The following SAMD4A variants were observed in gnomAD, a reference collection of about 807,000 sequenced individuals.
The protein encoded by SAMD4A is protein Smaug homolog 1.
In SAMD4A, 33 loss-of-function variants were observed where a neutral mutation model predicts 81.3. The observed-to-expected ratio is 0.41, with a 90% CI of 0.31 to 0.54. The LOEUF is 0.54. Among genes scored for constraint, SAMD4A ranks in the 20% least tolerant of loss-of-function variants. The pLI is 0.37. For synonymous variants in SAMD4A, 389 were observed against 382.1 expected, an observed-to-expected ratio of 1.02 and a Z score of -0.21; for missense variants, 854 against 951.1, an observed-to-expected ratio of 0.90 and a Z score of 1.34.
intron 2 of SAMD4A, among the ~76,000 whole-genome samples, chr14:54,649,671 T>C (rs557492606): frequency 6.6e-6 from 1 of 152,316 alleles, no homozygotes; most frequent in Non-Finnish European, 1.5e-5. Context: ...ATTGCATGCC[T>C]TGGGGTTGAA....
chr14:54,607,870 GC>G (rs1394297939), intron 2 of SAMD4A, among the ~76,000 whole-genome samples: 1 of 151,948 alleles, frequency 6.6e-6, no homozygotes. Flanking sequence ...AGAAAAATTA[GC>G]CAGGCATGGT....
intron 2 of SAMD4A, among the ~76,000 whole-genome samples, chr14:54,621,884 G>T (rs147329654): frequency 2.6e-5 from 4 of 152,278 alleles, no homozygotes; most frequent in Non-Finnish European, 5.9e-5. Context: ...AAAGCAGGAG[G>T]GGGGAGTGTT....
chr14:54,745,506 G>A (rs568807442), intron 4 of SAMD4A, among the ~76,000 whole-genome samples: 6 of 152,244 alleles, frequency 3.9e-5, no homozygotes, highest in African/African-American at 1.2e-4. Flanking sequence ...TGCTCCCCTA[G>A]AACCCTATGT....
intron 11 of SAMD4A, among the ~76,000 whole-genome samples, chr14:54,783,371 A>G (rs1446785535): frequency 1.3e-5 from 2 of 152,148 alleles, no homozygotes; most frequent in African/African-American, 2.4e-5. Flanking sequence ...TCGCCACTGG[A>G]TGAGGCCTGC....
At chr14:54,760,124 T>C (rs1489968082) in intron 6 of SAMD4A, 37 bp from the exon 7 acceptor site, 1 of 1,595,306 alleles carries the variant, frequency 6.3e-7, no homozygotes, top group Admixed American at 1.7e-5. Context: ...CCCTTATTCC[T>C]GAGCCTAACA....
Position 54,603,486 on chromosome 14 carries a change from G to C in SAMD4A, c.196+35374G>C, listed in dbSNP as rs187063855. Among the ~76,000 whole-genome samples, 7 of 152,324 alleles carry C rather than the reference G, an allele frequency of 4.6e-5. No individual in the cohort carries two copies. In the East Asian group the frequency reaches 1.4e-3, roughly 29 times the overall value. ...TAGGAACTGATCAGCTTATAAAGCT[G>C]ATGCTGCCCAGTTCTGTTCTGAGTC... On this transcript the variant is annotated intron_variant, in intron 2 of 12. Transcript: ENST00000554335.
At chr14:54,700,992 AATTTTTT>A (rs1016245062) in intron 2 of SAMD4A, 7 of 121,654 alleles carry the variant, frequency 5.8e-5, no homozygotes, top group African/African-American at 1.2e-4. Flanking sequence ...TGAAACGGTG[AATTTTTT>A]TTTTTTTTTT....
At chr14:54,580,113 T>G (rs1324245341) in intron 2 of SAMD4A, among the ~76,000 whole-genome samples, 1 of 152,150 alleles carries the variant, frequency 6.6e-6, no homozygotes, top group African/African-American at 2.4e-5. Context: ...AAGACTGAGG[T>G]GTACTGGGGT....
intron 3 of SAMD4A, among the ~76,000 whole-genome samples, chr14:54,723,999 T>TGGAAGGAA (rs1352946376): frequency 0.076 from 3,992 of 52,202 alleles, 84 homozygotes; most frequent in Non-Finnish European, 0.11. Flanking sequence ...ATTGGATGGA[T>TGGAAGGAA]GGATGGATGG....
intron 2 of SAMD4A, among the ~76,000 whole-genome samples, chr14:54,594,387 C>T (rs1334219332): frequency 6.6e-6 from 1 of 151,544 alleles, no homozygotes; most frequent in Admixed American, 6.6e-5. Flanking sequence ...CATGCCACTA[C>T]ACTCCAGTCT....
intron 2 of SAMD4A, among the ~76,000 whole-genome samples, chr14:54,586,941 A>T (rs980737242): frequency 2.0e-5 from 3 of 151,150 alleles, no homozygotes; most frequent in Non-Finnish European, 4.4e-5. Context: ...GAATTTTTGG[A>T]TTTTTTTTCT....
chr14:54,788,943 A>G lies in SAMD4A; in HGVS notation c.2156A>G (p.Ter719TrpextTer48). 6.2e-7 allele frequency: 1 copy of G among 1,614,136 alleles called. No homozygotes were observed. The highest frequency in any genetic ancestry group is 8.5e-7 in the Non-Finnish European group (1 of 1,179,996). ...GGGGTTGACCGGACCTCCACCATCT[A>G]GAAGCTGAAGACGAGAGTGACCGCG... ...GDGVDRTSTI[*>W] Residue 719 changes from the stop codon to tryptophan, a stop_lost, in exon 13 of 13, where the codon TAG becomes TGG. Coordinates refer to ENST00000554335, the MANE Select transcript of SAMD4A (RefSeq NM_015589.6).
At chr14:54,629,297 A>G (rs2034839223) in intron 2 of SAMD4A, among the ~76,000 whole-genome samples, 6 of 152,220 alleles carry the variant, frequency 3.9e-5, no homozygotes, top group Admixed American at 3.9e-4. Context: ...CCCTGCTGAC[A>G]CATCTTGATT....
intron 3 of SAMD4A, among the ~76,000 whole-genome samples, chr14:54,705,781 T>C (rs1197477009): frequency 6.6e-6 from 1 of 152,230 alleles, no homozygotes; most frequent in African/African-American, 2.4e-5. Flanking sequence ...ACCAGGAAGC[T>C]GAAGACCCTG....
chr14:54,783,908 C>G (rs181602397), intron 11 of SAMD4A, among the ~76,000 whole-genome samples: 1 of 152,302 alleles, frequency 6.6e-6, no homozygotes, highest in East Asian at 1.9e-4. Flanking sequence ...ATGAGGTGAG[C>G]ACTCAGCGGG....
intron 2 of SAMD4A, among the ~76,000 whole-genome samples, chr14:54,683,836 G>T (rs543146865): frequency 1.3e-5 from 2 of 152,120 alleles, no homozygotes; most frequent in African/African-American, 4.8e-5. Context: ...CTTAGTGAGG[G>T]GTAGATATAT....
chr14:54,719,397 A>G lies in SAMD4A; in HGVS notation c.715+16817A>G, dbSNP rs562172102. Among the ~76,000 whole-genome samples, 129 of 152,238 alleles carry G rather than the reference A, an allele frequency of 8.5e-4. 2 individuals carry two copies. Among genetic ancestry groups the G allele is most frequent in the South Asian group, 3.9e-3 (19 of 4,820 alleles). ...GCTTTTCTTCAAGTCCTATCATTCA[A>G]AGTTGAGTCTGACTTTCCCAAATTG... On this transcript the variant is annotated intron_variant, in intron 3 of 12. Coordinates refer to ENST00000554335, the MANE Select transcript of SAMD4A (RefSeq NM_015589.6).
rs115085222 is a variant in SAMD4A at position 54,616,519 on chromosome 14, C to T, written c.196+48407C>T. On this transcript the variant is annotated intron_variant, in intron 2 of 12. Coordinates refer to ENST00000554335, the MANE Select transcript of SAMD4A (RefSeq NM_015589.6). ...ATCAGTGCTCTTTAAAGCATGGGAA[C>T]GTGGGAAGGCTCCCTCCTGGTTGAG... Among the ~76,000 whole-genome samples the T allele has an allele frequency of 4.4e-3, 664 of 152,238 alleles. 5 individuals carry two copies. Among genetic ancestry groups the T allele is most frequent in the African/African-American group, 0.015 (643 of 41,548 alleles).
chr14:54,684,089 G>A (rs1393778987), intron 2 of SAMD4A, among the ~76,000 whole-genome samples: 3 of 152,216 alleles, frequency 2.0e-5, no homozygotes, highest in Admixed American at 1.3e-4. Context: ...GAAACACACT[G>A]CCTGTCTGGT....
Sources: gnomAD v4.1 joint callset for allele counts (sites outside exome capture counted in the v4.1 genomes callset) on GRCh38, gnomAD v4.1.1 for gene constraint, MANE v1.5 for transcripts, NCBI Gene and HGNC (gene_info 2026-07-23, HGNC 2026-07-21) for gene names.